Variants in GABRA1 observed in about 807,000 individuals in gnomAD.
GABRA1 encodes gamma-aminobutyric acid type A receptor subunit alpha1, also known as gamma-aminobutyric acid receptor subunit alpha-1.
In GABRA1, 9 loss-of-function variants were observed where a neutral mutation model predicts 48.9. The ratio of observed to expected loss-of-function variants is 0.18; its 90% CI spans 0.11 to 0.32. The LOEUF (loss-of-function observed/expected upper bound fraction) is 0.32. Among genes scored for constraint, GABRA1 ranks in the 10% least tolerant of loss-of-function variants. The pLI, the probability that GABRA1 is intolerant of heterozygous loss-of-function variation, is 1.00. For synonymous variants in GABRA1, 210 were observed against 198.7 expected, an observed-to-expected ratio of 1.06 and a Z score of -0.48; for missense variants, 285 against 553.8, an observed-to-expected ratio of 0.51 and a Z score of 4.87.
intron 7 of GABRA1, among the ~76,000 whole-genome samples, chr5:161,889,163 A>G (rs937304958): frequency 6.6e-6 from 1 of 152,096 alleles, no homozygotes; most frequent in Admixed American, 6.6e-5. Context: ...ATAAGTGCGT[A>G]GATAATTTCC....
chr5:161,897,599 C>CTA lies in GABRA1; in HGVS notation c.*179_*180dup. 1.5e-6 allele frequency: 1 copy of CTA among 645,176 alleles called. No homozygotes were observed. The highest frequency in any genetic ancestry group is 2.6e-6 in the Non-Finnish European group (1 of 377,392). The allele number at this position is 645,176 out of a possible 1,614,324, so 40.0% of individuals were successfully genotyped here. ...GTCTGGCAGTCTGGAGCAAAGCAGA[C>CTA]TATGCAGCTTGGAGACAGGATTCTG... On this transcript the variant is annotated 3_prime_UTR_variant, in exon 10 of 10. Coordinates refer to ENST00000393943, the MANE Select transcript of GABRA1 (RefSeq NM_001127644.2).
chr5:161,851,010 A>C (rs561927362), intron 2 of GABRA1, 126 bp downstream of exon 2: 1 of 773,650 alleles, frequency 1.3e-6, no homozygotes, highest in South Asian at 1.5e-5. Context: ...AACTGCAATA[A>C]TTTCCAGCTA....
intron 7 of GABRA1, among the ~76,000 whole-genome samples, chr5:161,883,287 C>T (rs1055850451): frequency 1.3e-5 from 2 of 152,150 alleles, no homozygotes; most frequent in Non-Finnish European, 2.9e-5. Context: ...AGAGTCATAA[C>T]CACATTATTG....
chr5:161,873,761 G>A (rs189323184), intron 5 of GABRA1, among the ~76,000 whole-genome samples: 9 of 152,220 alleles, frequency 5.9e-5, no homozygotes, highest in Admixed American at 5.2e-4. Context: ...GATTCATGTA[G>A]ACATAGGTAT....
intron 6 of GABRA1, among the ~76,000 whole-genome samples, chr5:161,879,585 A>G (rs1754521585): frequency 6.6e-6 from 1 of 152,150 alleles, no homozygotes; most frequent in African/African-American, 2.4e-5. Context: ...CTAAAATTTA[A>G]GGAAACAATA....
chr5:161,863,331 A>C (rs1278781479), intron 3 of GABRA1, among the ~76,000 whole-genome samples: 1 of 152,016 alleles, frequency 6.6e-6, no homozygotes, highest in Non-Finnish European at 1.5e-5. Context: ...TTATTGGCTC[A>C]GTATTCTGCA....
At position 161,897,526 on chromosome 5, in the gene GABRA1, T is replaced by C. The variant is rs746867194; in HGVS notation, c.*104T>C. 3 of 1,138,110 alleles carry C rather than the reference T, an allele frequency of 2.6e-6. No homozygotes were observed. The highest frequency in any genetic ancestry group is 3.9e-6 in the Non-Finnish European group (3 of 773,262). The allele number at this position is 1,138,110 out of a possible 1,614,324, so 70.5% of individuals were successfully genotyped here. On this transcript the variant is annotated 3_prime_UTR_variant, in exon 10 of 10. Coordinates refer to ENST00000393943, the MANE Select transcript of GABRA1 (RefSeq NM_001127644.2). ...CTTTATTGCCTCTGTCTTAAAGAAT[T>C]TGAAAGTTTCCTTATTTTCATAATT...
In GABRA1 at chr5:161,882,640, T is replaced by A; in HGVS notation, c.642T>A (p.Arg214=). ...TGGTTGTAGCAGAAGATGGATCACG[T>A]CTAAACCAGTATGACCTTCTTGGAC... The part of the protein sequence containing the change: ...RSVVVAEDGS[R]LNQYDLLGQT... Residue 214 remains arginine (R), a synonymous_variant, in exon 7 of 10, where the codon CGT becomes CGA. Coordinates refer to ENST00000393943, the MANE Select transcript of GABRA1 (RefSeq NM_001127644.2). 6.2e-7 allele frequency: 1 copy of A among 1,613,668 alleles called. No individual in the cohort carries two copies. Among genetic ancestry groups the A allele is most frequent in the East Asian group, 2.2e-5 (1 of 44,840 alleles).
rs1033344261 is a variant in GABRA1 at position 161,898,023 on chromosome 5, T to A, written c.*601T>A. 1 of 152,158 alleles carries A rather than the reference T, an allele frequency of 6.6e-6. No homozygotes were observed. Among genetic ancestry groups the A allele is most frequent in the African/African-American group, 2.4e-5 (1 of 41,456 alleles). The allele number at this position is 152,158 out of a possible 1,614,324, so 9.4% of individuals were successfully genotyped here. On this transcript the variant is annotated 3_prime_UTR_variant, in exon 10 of 10. Coordinates refer to ENST00000393943, the MANE Select transcript of GABRA1 (RefSeq NM_001127644.2). ...AAAGGCCTAATGCATTATTTTGTCA[T>A]AAAATGCTATTTTAAAATTCATGGA... is the stretch of plus-strand genomic sequence containing the variant.
chr5:161,887,556 T>G (rs2113434001), intron 7 of GABRA1, among the ~76,000 whole-genome samples: 1 of 152,334 alleles, frequency 6.6e-6, no homozygotes, highest in South Asian at 2.1e-4. Context: ...CCCTTATCTC[T>G]ATTTAGAATC....
intron 3 of GABRA1, among the ~76,000 whole-genome samples, chr5:161,863,036 A>G (rs1757921171): frequency 3.9e-5 from 6 of 151,920 alleles, no homozygotes; most frequent in Admixed American, 3.9e-4. Context: ...TTTTTGAATT[A>G]TCGCTTCAAA....
intron 4 of GABRA1, among the ~76,000 whole-genome samples, chr5:161,870,061 G>A (rs1474642582): frequency 6.6e-6 from 1 of 152,052 alleles, no homozygotes; most frequent in Non-Finnish European, 1.5e-5. Context: ...CTATGTTCTA[G>A]GCACTCTTAA....
chr5:161,894,756 T>A (rs1227681332), intron 8 of GABRA1, among the ~76,000 whole-genome samples: 1 of 152,162 alleles, frequency 6.6e-6, no homozygotes, highest in African/African-American at 2.4e-5. Flanking sequence ...TAGTATTTGG[T>A]AAATGAACAT....
intron 3 of GABRA1, among the ~76,000 whole-genome samples, chr5:161,859,904 G>A (rs934527650): frequency 1.3e-5 from 2 of 151,676 alleles, no homozygotes; most frequent in South Asian, 2.1e-4. Context: ...CTTTACTAGA[G>A]AATAGCCTTT....
intron 2 of GABRA1, among the ~76,000 whole-genome samples, chr5:161,852,345 A>G (rs1757477410): frequency 6.6e-6 from 1 of 152,104 alleles, no homozygotes; most frequent in East Asian, 1.9e-4. Flanking sequence ...AATTGTTTTA[A>G]TAATTTAAGT....
At chr5:161,853,505 G>A (rs889291718) in intron 2 of GABRA1, among the ~76,000 whole-genome samples, 2 of 151,748 alleles carry the variant, frequency 1.3e-5, no homozygotes, top group African/African-American at 4.8e-5. Flanking sequence ...CTTTCTAAAG[G>A]TTCTTTTTAC....
rs775895535 is a variant in GABRA1 at position 161,890,950 on chromosome 5, C to T, written c.756C>T (p.Tyr252=). Reference sequence around the variant, plus strand: ...TCCACTTGAAGAGAAAGATTGGCTACTTTGTTATTCAAACATACCTGCCAT... The same window carrying T: ...TCCACTTGAAGAGAAAGATTGGCTATTTTGTTATTCAAACATACCTGCCAT... ...THFHLKRKIG[Y]FVIQTYLPCI... Residue 252 remains tyrosine (Y), a synonymous_variant, in exon 8 of 10, where the codon TAC becomes TAT. Transcript: ENST00000393943. 9.3e-6 allele frequency: 15 copies of T among 1,613,152 alleles called. No homozygotes were observed. The highest frequency in any genetic ancestry group is 2.7e-5 in the African/African-American group (2 of 74,892).
intron 3 of GABRA1, among the ~76,000 whole-genome samples, chr5:161,860,710 G>T (rs1282613501): frequency 6.6e-6 from 1 of 150,782 alleles, no homozygotes; most frequent in African/African-American, 2.4e-5. Flanking sequence ...ATGTGATTAT[G>T]ATGCATTGCA....
rs564164649 is a variant in GABRA1 at position 161,863,990 on chromosome 5, C to T, written c.188-1731C>T. On this transcript the variant is annotated intron_variant, in intron 3 of 9. Transcript: ENST00000393943. ...ACAGAAACTTCCCCCCTTGCTGCCC[C>T]GCCACTGGACACTTGCCAAGAGCTG... Among the ~76,000 whole-genome samples, 240 of 151,972 alleles carry T rather than the reference C, an allele frequency of 1.6e-3. 2 individuals are homozygous for T. Among genetic ancestry groups the T allele is most frequent in the Non-Finnish European group, 2.7e-3 (182 of 67,934 alleles).
Sources: allele counts gnomAD v4.1 joint callset (sites outside exome capture counted in the v4.1 genomes callset), GRCh38; gene constraint gnomAD v4.1.1; transcripts MANE v1.5; gene names NCBI Gene and HGNC (gene_info 2026-07-23, HGNC 2026-07-21).